The following CCP110 variants were observed in gnomAD, a reference collection of about 807,000 sequenced individuals.
The protein encoded by CCP110 is centriolar coiled-coil protein 110, also known as centriolar coiled-coil protein of 110 kDa.
A neutral mutation model predicts 105.5 loss-of-function variants in CCP110; 43 were observed. The ratio of observed to expected loss-of-function variants is 0.41; its 90% CI spans 0.32 to 0.53. The LOEUF (loss-of-function observed/expected upper bound fraction) is 0.53. CCP110 is among the 20% of genes least tolerant of loss of function. The pLI, the probability that CCP110 is intolerant of heterozygous loss-of-function variation, is 0.32. For synonymous variants in CCP110, 353 were observed against 392.1 expected, an observed-to-expected ratio of 0.90 and a Z score of 1.18; for missense variants, 1,016 against 1,189.1, an observed-to-expected ratio of 0.85 and a Z score of 2.14.
In CCP110 at chr16:19,545,985, T is replaced by C. The variant is rs541415362; in HGVS notation, c.2777+95T>C. The C allele has an allele frequency of 6.9e-6, 5 of 727,454 alleles. No homozygotes were observed. The South Asian group carries it at 7.0e-5, about 10-fold the overall frequency. 45.1% of individuals were successfully genotyped at this position (727,454 alleles called of 1,614,324 possible). On this transcript the variant is annotated intron_variant, in intron 11 of 14. Coordinates refer to ENST00000381396, the Ensembl canonical transcript of CCP110. The stretch of plus-strand genomic sequence containing the variant: ...CATATTTAAATTTAGAAATAAAGAG[T>C]TAATTTTTCTGCAGTTGAGCTGATA...
At chr16:19,550,296 C>T (rs1597283730) in intron 14 of CCP110, among the ~76,000 whole-genome samples, 1 of 151,904 alleles carries the variant, frequency 6.6e-6, no homozygotes, top group Non-Finnish European at 1.5e-5. Flanking sequence ...GAATTACAGG[C>T]GCGTGCCACC....
intron 5 of CCP110, among the ~76,000 whole-genome samples, chr16:19,541,550 C>G (rs1015392706): frequency 6.6e-6 from 1 of 150,974 alleles, no homozygotes; most frequent in Non-Finnish European, 1.5e-5. Context: ...CACTTGAACC[C>G]GCAAGGTGGA....
chr16:19,550,279 G>A (rs1970594241), intron 14 of CCP110, among the ~76,000 whole-genome samples: 1 of 151,818 alleles, frequency 6.6e-6, no homozygotes, highest in Admixed American at 6.6e-5. Flanking sequence ...AGCCTCCCAA[G>A]TAGCTGGAAT....
intron 1 of CCP110, 157 bp from the exon 2 acceptor site, chr16:19,527,710 T>A: frequency 2.3e-6 from 1 of 439,198 alleles, no homozygotes; most frequent in Non-Finnish European, 4.0e-6. Context: ...TGAATTACCA[T>A]ACCCAAGAAT....
At position 19,541,874 on chromosome 16, in the gene CCP110, T is replaced by C. The variant is rs1345170848; in HGVS notation, c.2050-13T>C. ...AAAGGTTTAGCATGTTACAATAAAC[T>C]GTTCATGTATAGGAAATAGAAGAGC... is the stretch of plus-strand genomic sequence containing the variant. On this transcript the variant is annotated splice_polypyrimidine_tract_variant and intron_variant, in intron 5 of 14. Transcript: ENST00000381396. 1 of 1,525,490 alleles carries C rather than the reference T, an allele frequency of 6.6e-7. No individual in the cohort carries two copies. Among genetic ancestry groups the C allele is most frequent in the African/African-American group, 1.4e-5 (1 of 71,816 alleles). 94.5% of individuals were successfully genotyped at this position (1,525,490 alleles called of 1,614,324 possible). A position where few individuals can be genotyped will look rare whatever the true frequency, so the allele number is the denominator to read the frequency against.
rs558201446 is a variant in CCP110, at chr16:19,545,583, T to A, written c.2704-234T>A. On this transcript the variant is annotated intron_variant, in intron 10 of 14. Transcript: ENST00000381396. ...TTGAAGTATATCAGAGTATGTGATT[T>A]GAATCAGTTATCTTAGTGTGATTGG... 2.4e-3 allele frequency among the ~76,000 whole-genome samples: 362 copies of A among 152,288 alleles called. 1 individual carries two copies. Among genetic ancestry groups the A allele is most frequent in the African/African-American group, 8.2e-3 (342 of 41,574 alleles).
chr16:19,534,452 T>A (rs1969978462), intron 3 of CCP110, among the ~76,000 whole-genome samples: 1 of 152,196 alleles, frequency 6.6e-6, no homozygotes, highest in African/African-American at 2.4e-5. Context: ...TTTCTTGTTG[T>A]TATTTAACTT....
chr16:19,537,720 A>AT (rs1970127585), intron 4 of CCP110, 133 bp downstream of exon 4: 1 of 577,944 alleles, frequency 1.7e-6, no homozygotes, highest in Admixed American at 3.6e-5. Context: ...ATTAGAAAGC[A>AT]TATTAGTCAG....
intron 3 of CCP110, among the ~76,000 whole-genome samples, chr16:19,533,046 T>G (rs1179326051): frequency 6.6e-6 from 1 of 152,238 alleles, no homozygotes; most frequent in African/African-American, 2.4e-5. Flanking sequence ...CATCTACACC[T>G]TGTGCAGTTA....
At chr16:19,525,272 C>T (rs1415756532) in intron 1 of CCP110, 1 of 151,970 alleles carries the variant, frequency 6.6e-6, no homozygotes, top group Non-Finnish European at 1.5e-5. Context: ...CAAAGAGGCT[C>T]ATTTGCACAA....
chr16:19,537,652 G>A (rs1183450226), intron 4 of CCP110, 65 bp downstream of exon 4: 2 of 920,294 alleles, frequency 2.2e-6, no homozygotes, highest in Non-Finnish European at 3.2e-6. Context: ...ACTCTTAATT[G>A]ACATTTTTGG....
chr16:19,548,784 A>AACT lies in CCP110; in HGVS notation c.2986+185_2986+186insCTA, dbSNP rs927246994. On this transcript the variant is annotated intron_variant, in intron 14 of 14. Transcript: ENST00000381396. This position sits in a 1 kb window ranked among gnomAD's most constrained non-coding sequence, Gnocchi z 4.1. ...GTATGGCAGTCAGGAAGTCTTAGTA[A>AACT]AAGTGTGATTCCAGTCTTCATTTCT... Among the ~76,000 whole-genome samples the AACT allele has an allele frequency of 8.5e-5, 13 of 152,196 alleles. No individual in the cohort carries two copies. Among genetic ancestry groups the AACT allele is most frequent in the Non-Finnish European group, 1.5e-5 (1 of 68,034 alleles).
rs567226177 is a variant in CCP110 at position 19,549,787 on chromosome 16, T to A, written c.2986+1187T>A. On this transcript the variant is annotated intron_variant, in intron 14 of 14. Coordinates refer to ENST00000381396, the Ensembl canonical transcript of CCP110. Reference sequence around the variant, plus strand: ...AGTTGGAAAATCATTGAGGAATTAGTATTGTTTTGCCTGATACCAATTTGC... The same window carrying A: ...AGTTGGAAAATCATTGAGGAATTAGAATTGTTTTGCCTGATACCAATTTGC... 3.3e-5 allele frequency among the ~76,000 whole-genome samples: 5 copies of A among 152,366 alleles called. No individual in the cohort carries two copies. In the South Asian group the frequency reaches 8.3e-4, roughly 25 times the overall value.
At chr16:19,528,509 G>A (rs573755108) in intron 2 of CCP110, among the ~76,000 whole-genome samples, 1 of 152,276 alleles carries the variant, frequency 6.6e-6, no homozygotes, top group African/African-American at 2.4e-5. Context: ...TAAGGCAGAT[G>A]TAAATGTTGA....
In CCP110 at chr16:19,537,579, G is replaced by T. The variant is rs150018784; in HGVS notation, c.1910G>T (p.Ser637Ile). Residue 637 changes from serine to isoleucine, a missense_variant, in exon 4 of 15, where the codon AGT becomes ATT. Physicochemically the swap from Ser to Ile is moderately radical, Grantham distance 142. Coordinates refer to ENST00000381396, the Ensembl canonical transcript of CCP110. ...AACAAGAATAAAATGTTAGGAACTA[G>T]TTCCAAAGGTAAGGAATCTTTGAAG... 93 of 1,548,498 alleles carry T rather than the reference G, an allele frequency of 6.0e-5. No individual in the cohort carries two copies. Among genetic ancestry groups the T allele is most frequent in the Middle Eastern group, 1.8e-4 (1 of 5,566 alleles).
exon 7 of CCP110, chr16:19,542,744 A>G: frequency 6.2e-7 from 1 of 1,613,638 alleles, no homozygotes; most frequent in Non-Finnish European, 8.5e-7. Context: ...GGAAGAGCCA[A>G]AACTAGATGG....
exon 12 of CCP110, chr16:19,546,438 A>C (rs1422277614): frequency 6.3e-7 from 1 of 1,588,580 alleles, no homozygotes; most frequent in African/African-American, 1.3e-5. Context: ...ATGCCAAATA[A>C]GAAATTTCTG....
intron 1 of CCP110, chr16:19,526,963 A>G (rs1969693835): frequency 1.3e-5 from 2 of 152,298 alleles, no homozygotes. Context: ...TTGCTTATTT[A>G]AAGGAAACAG....
chr16:19,553,231 A>C (rs1265626603), exon 15 of CCP110: 1 of 152,212 alleles, frequency 6.6e-6, no homozygotes, highest in African/African-American at 2.4e-5. Flanking sequence ...GCTTCTTCTC[A>C]TACAGGTGCC....
Sources: gnomAD v4.1 joint callset for allele counts (sites outside exome capture counted in the v4.1 genomes callset) on GRCh38, gnomAD v4.1.1 for gene constraint, Gnocchi (gnomAD v3.1) non-coding constraint, MANE v1.5 for transcripts, NCBI Gene and HGNC (gene_info 2026-07-23, HGNC 2026-07-21) for gene names.